SPATA25: variants seen among roughly 807,000 people sequenced by gnomAD.
SPATA25 encodes the protein spermatogenesis associated 25.
In SPATA25, 16 loss-of-function variants were observed where a neutral mutation model predicts 16.0. The ratio of observed to expected loss-of-function variants is 1.00; its 90% CI spans 0.68 to 1.52. SPATA25 has a LOEUF of 1.52. Among genes scored for constraint, SPATA25 ranks in the 40% most tolerant of loss-of-function variants. The probability of loss-of-function intolerance (pLI) is 0.00; values close to 1 mark genes in which losing one functional copy is unlikely to be tolerated. For missense variants in SPATA25, 285 were observed against 289.2 expected (o/e 0.99, Z 0.11); for synonymous variants, 115 against 118.5 (o/e 0.97, Z 0.19).
In SPATA25 at chr20:45,886,752, G is replaced by A. The variant is rs6032575; in HGVS notation, c.449C>T (p.Pro150Leu). Reference protein sequence around the residue: ...EAVGKEASSQPDICILTLAMM... With the variant: ...EAVGKEASSQLDICILTLAMM... ...GGCGAGGGTGAGGATGCAGATATCAGGCTGGGAGCTGGCCTCCTTCCCCAC... is the reference window on the plus strand; with the variant it reads ...GGCGAGGGTGAGGATGCAGATATCAAGCTGGGAGCTGGCCTCCTTCCCCAC... Residue 150 changes from proline to leucine, a missense_variant, in exon 2 of 2, where the codon CCT becomes CTT. Transcript: ENST00000372519. 6.2e-7 allele frequency: 1 copy of A among 1,614,078 alleles called. No individual in the cohort carries two copies. Among genetic ancestry groups the A allele is most frequent in the South Asian group, 1.1e-5 (1 of 91,086 alleles).
upstream of SPATA25, among the ~76,000 whole-genome samples, chr20:45,888,468 C>T (rs1324990034): frequency 6.6e-6 from 1 of 152,122 alleles, no homozygotes; most frequent in Non-Finnish European, 1.5e-5. Flanking sequence ...AATACGAATC[C>T]CTAGGGATGG....
At chr20:45,890,535 G>A (rs755490733), upstream of SPATA25, 2 of 1,608,168 alleles carry the variant, frequency 1.2e-6, no homozygotes, top group Non-Finnish European at 1.7e-6. Context: ...CGGGGAATGC[G>A]AAACTGCTCA....
upstream of SPATA25, among the ~76,000 whole-genome samples, chr20:45,887,997 C>A (rs974813428): frequency 6.6e-6 from 1 of 152,020 alleles, no homozygotes; most frequent in African/African-American, 2.4e-5. Flanking sequence ...CGGGTCAGAC[C>A]CAGTATTGGT....
chr20:45,889,234 A>G (rs1986615408), upstream of SPATA25, among the ~76,000 whole-genome samples: 1 of 152,202 alleles, frequency 6.6e-6, no homozygotes, highest in Non-Finnish European at 1.5e-5. Context: ...TATAACTGCA[A>G]TGCTTACCAG....
upstream of SPATA25, among the ~76,000 whole-genome samples, chr20:45,888,300 G>A (rs190149597): frequency 2.1e-3 from 324 of 152,276 alleles, no homozygotes; most frequent in African/African-American, 7.7e-3. Flanking sequence ...TTACAGGCCA[G>A]GTATTGGTAT....
chr20:45,887,228 T>C (rs1439164138), intron 1 of SPATA25, 83 bp from the exon 2 acceptor site: 7 of 1,488,018 alleles, frequency 4.7e-6, no homozygotes, highest in African/African-American at 2.8e-5. Flanking sequence ...GGAGCAGAGC[T>C]TGGGGGCGTA....
At chr20:45,891,000 C>T (rs982207320), upstream of SPATA25, 5 of 1,481,188 alleles carry the variant, frequency 3.4e-6, no homozygotes, top group African/African-American at 5.6e-5. Context: ...ATCTCTCGGC[C>T]ATAGGGCAGG....
upstream of SPATA25, chr20:45,888,874 C>T (rs753341637): frequency 4.3e-6 from 7 of 1,614,086 alleles, no homozygotes; most frequent in South Asian, 2.2e-5. Context: ...AGGGATGGCA[C>T]TGTGGGAAGA....
upstream of SPATA25, chr20:45,888,843 A>T (rs967553598): frequency 6.2e-7 from 1 of 1,613,876 alleles, no homozygotes; most frequent in Non-Finnish European, 8.5e-7. Flanking sequence ...CCTTTGTATC[A>T]CTAGGCGGCA....
chr20:45,887,213 G>T, intron 1 of SPATA25, 68 bp from the exon 2 acceptor site: 2 of 1,517,606 alleles, frequency 1.3e-6, no homozygotes, highest in Admixed American at 4.0e-5. Context: ...GAGGGGCAGG[G>T]CATGGGAGCA....
chr20:45,887,599 C>CAAAGCCCCGGTTTGTGAGGGAATAGTG lies in SPATA25; in HGVS notation c.-10_-9insCACTATTCCCTCACAAACCGGGGCTTT. On this transcript the variant is annotated 5_prime_UTR_variant, in exon 1 of 2. Transcript: ENST00000372519. The stretch of plus-strand genomic sequence containing the variant: ...GTCCTGAAGTAGGACATGGCTTCCC[C>CAAAGCCCCGGTTTGTGAGGGAATAGTG]AAAGCCCCGGTTTGTGAGGGAATAG... The CAAAGCCCCGGTTTGTGAGGGAATAGTG allele has an allele frequency of 6.2e-7, 1 of 1,613,148 alleles. No individual in the cohort carries two copies. The highest frequency in any genetic ancestry group is 8.5e-7 in the Non-Finnish European group (1 of 1,179,438).
At chr20:45,888,777 T>C (rs755709691), upstream of SPATA25, 1 of 1,614,080 alleles carries the variant, frequency 6.2e-7, no homozygotes, top group Non-Finnish European at 8.5e-7. Flanking sequence ...CTTGCAGAAA[T>C]CCTTAAGTTC....
At chr20:45,888,815 C>T, upstream of SPATA25, 5 of 1,614,130 alleles carry the variant, frequency 3.1e-6, no homozygotes, top group South Asian at 2.2e-5. Context: ...CATCAATGGC[C>T]AGCCGGTGCA....
At chr20:45,889,365 T>G (rs1986628393), upstream of SPATA25, among the ~76,000 whole-genome samples, 1 of 152,054 alleles carries the variant, frequency 6.6e-6, no homozygotes, top group African/African-American at 2.4e-5. Flanking sequence ...TTCTTTTTTT[T>G]TTTTTATTTA....
At chr20:45,890,421 C>A, upstream of SPATA25, 12 of 1,611,346 alleles carry the variant, frequency 7.4e-6, no homozygotes, top group Non-Finnish European at 1.0e-5. Flanking sequence ...AAGAGGACAC[C>A]CAGGCGGCTA....
upstream of SPATA25, chr20:45,888,897 G>C (rs758354963): frequency 3.7e-6 from 6 of 1,613,640 alleles, no homozygotes; most frequent in Non-Finnish European, 5.1e-6. Context: ...ACTGTGAAAG[G>C]CAAACTGAAC....
chr20:45,890,495 C>A (rs998666789), upstream of SPATA25: 1 of 1,598,504 alleles, frequency 6.3e-7, no homozygotes, highest in African/African-American at 1.3e-5. Flanking sequence ...GCTGTAGAGC[C>A]CTGGCCGGCT....
chr20:45,886,517 C>T lies in SPATA25; in HGVS notation c.684G>A (p.Ter228=). The T allele has an allele frequency of 1.3e-6, 2 of 1,563,812 alleles. No individual in the cohort carries two copies. Among genetic ancestry groups the T allele is most frequent in the Non-Finnish European group, 1.7e-6 (2 of 1,151,024 alleles). The change falls in exon 2 of 2, where the codon TAG becomes TAA. Residue 228 remains the stop codon, a stop_retained_variant. Coordinates refer to ENST00000372519, the MANE Select transcript of SPATA25 (RefSeq NM_080608.4). ...KRGQPPGSCL[*] is the part of the protein sequence containing the mutation. ...ACATATCTGGTGCTATTTCATCCATCTACAAGCAGGAGCCAGGAGGCTGGC... is the reference window on the plus strand; with the variant it reads ...ACATATCTGGTGCTATTTCATCCATTTACAAGCAGGAGCCAGGAGGCTGGC...
chr20:45,890,137 C>T (rs1262550740), upstream of SPATA25: 10 of 1,177,674 alleles, frequency 8.5e-6, no homozygotes, highest in Non-Finnish European at 1.1e-5. Context: ...CTAGATTCTC[C>T]CACTCTTAAA....
Sources: gnomAD v4.1 joint callset for allele counts (sites outside exome capture counted in the v4.1 genomes callset) on GRCh38, gnomAD v4.1.1 for gene constraint, MANE v1.5 for transcripts, NCBI Gene and HGNC (gene_info 2026-07-23, HGNC 2026-07-21) for gene names.